Variants in MYH11 observed in about 807,000 individuals in gnomAD.
MYH11 encodes the protein myosin-11.
A neutral mutation model predicts 246.6 loss-of-function variants in MYH11; 80 were observed. That is an observed-to-expected ratio of 0.32 (90% CI 0.27 to 0.39). The LOEUF (loss-of-function observed/expected upper bound fraction) is 0.39, where lower values mean the gene tolerates loss of function less well. Ranked by LOEUF, MYH11 falls within the 10% of genes least tolerant of loss-of-function variation. The pLI is 1.00. For synonymous variants in MYH11, 1,071 were observed against 1,015.5 expected, an observed-to-expected ratio of 1.05 and a Z score of -1.04; for missense variants, 2,158 against 2,546.8, an observed-to-expected ratio of 0.85 and a Z score of 3.29.
chr16:15,753,705 G>A (rs1396168112), intron 14 of MYH11, among the ~76,000 whole-genome samples, 197 bp from the exon 15 acceptor site: 1 of 152,118 alleles, frequency 6.6e-6, no homozygotes, highest in Non-Finnish European at 1.5e-5. Flanking sequence ...CACGTAGTAG[G>A]ACATCAGCCA....
intron 40 of MYH11, among the ~76,000 whole-genome samples, chr16:15,706,728 G>A (rs2039478370): frequency 6.6e-6 from 1 of 151,918 alleles, no homozygotes; most frequent in African/African-American, 2.4e-5. Flanking sequence ...AAAAAAATCT[G>A]ATGAGCTGGG....
chr16:15,734,589 G>A (rs940316022), intron 26 of MYH11, among the ~76,000 whole-genome samples: 4 of 152,056 alleles, frequency 2.6e-5, no homozygotes, highest in Admixed American at 2.0e-4. Flanking sequence ...GCGTGAGCCC[G>A]ACCCTAAAGG....
At chr16:15,788,075 A>ATTTTTTTTTT (rs1555569323) in intron 4 of MYH11, among the ~76,000 whole-genome samples, 2 of 42,722 alleles carry the variant, frequency 4.7e-5, no homozygotes, top group African/African-American at 1.3e-4. Flanking sequence ...ATGAAGGTAG[A>ATTTTTTTTTT]TCTTTTTTTT....
chr16:15,776,893 G>C (rs867688394), intron 7 of MYH11, among the ~76,000 whole-genome samples: 14 of 152,298 alleles, frequency 9.2e-5, no homozygotes, highest in South Asian at 2.1e-4. Context: ...TGATGGGAGA[G>C]GGCAGCTGGG....
intron 10 of MYH11, among the ~76,000 whole-genome samples, chr16:15,762,643 A>G (rs2041894819): frequency 6.6e-6 from 1 of 152,106 alleles, no homozygotes; most frequent in African/African-American, 2.4e-5. Context: ...CCAACCAATC[A>G]GCACCCCCAA....
At chr16:15,757,723 G>T in intron 13 of MYH11, 104 bp downstream of exon 13, 5 of 1,416,406 alleles carry the variant, frequency 3.5e-6, no homozygotes, top group Non-Finnish European at 4.9e-6. Flanking sequence ...TTGGGTGGGG[G>T]AATGCTATGT....
chr16:15,833,424 T>TAACG (rs1415547420), intron 2 of MYH11, among the ~76,000 whole-genome samples: 63 of 150,576 alleles, frequency 4.2e-4, no homozygotes, highest in Non-Finnish European at 8.4e-4. Flanking sequence ...AGGAACGAAC[T>TAACG]AACTAACTCG....
At chr16:15,712,530 A>AG (rs2039862279) in intron 40 of MYH11, among the ~76,000 whole-genome samples, 2 of 152,020 alleles carry the variant, frequency 1.3e-5, no homozygotes, top group Admixed American at 6.6e-5. Context: ...TGGGAGGCAG[A>AG]GGTTGCAGTG....
chr16:15,779,588 C>T (rs188466395), intron 6 of MYH11, among the ~76,000 whole-genome samples: 31 of 152,334 alleles, frequency 2.0e-4, no homozygotes, highest in Non-Finnish European at 3.5e-4. Context: ...TCCCCAGACC[C>T]CACCCTGCTC....
intron 11 of MYH11, among the ~76,000 whole-genome samples, 165 bp downstream of exon 11, chr16:15,760,375 C>A (rs1434219962): frequency 6.6e-6 from 1 of 151,650 alleles, no homozygotes; most frequent in Non-Finnish European, 1.5e-5. Flanking sequence ...GATGGATGAA[C>A]AGACAGATGA....
chr16:15,753,417 A>G lies in MYH11; in HGVS notation c.1841T>C (p.Phe614Ser). The G allele has an allele frequency of 6.2e-7, 1 of 1,614,084 alleles. No individual in the cohort carries two copies. The highest frequency in any genetic ancestry group is 1.1e-5 in the South Asian group (1 of 91,074). Reference protein sequence around the residue: ...TSLLNASSDKFVADLWKDVDR... With the variant: ...TSLLNASSDKSVADLWKDVDR... ...ACCGTCCTTCCACAGGTCGGCCACA[A>G]ACTTGTCGGAGGAGGCATTGAGCAG... The change falls in exon 15 of 41, where the codon TTT becomes TCT. Residue 614 changes from phenylalanine (F) to serine (S), a missense_variant. Coordinates refer to ENST00000300036, the MANE Select transcript of MYH11 (RefSeq NM_002474.3).
Position 15,856,932 on chromosome 16 carries a change from A to C in MYH11, c.-18+9T>G, listed in dbSNP as rs1394321104. 2.0e-5 allele frequency: 3 copies of C among 152,140 alleles called. No individual in the cohort carries two copies. The highest frequency in any genetic ancestry group is 1.3e-4 in the Admixed American group (2 of 15,256). 9.4% of individuals were successfully genotyped at this position (152,140 alleles called of 1,614,324 possible). On this transcript the variant is annotated intron_variant, in intron 1 of 40. Transcript: ENST00000300036. ...GCAATCTGCCCCCAGAATGACAACT[A>C]CTACTTACAGATCTCCAACTGGGGG...
At chr16:15,840,894 T>C (rs1408471911) in intron 1 of MYH11, among the ~76,000 whole-genome samples, 2 of 152,228 alleles carry the variant, frequency 1.3e-5, no homozygotes, top group Non-Finnish European at 2.9e-5. Context: ...TTACTTTATA[T>C]AGATTATACC....
chr16:15,814,444 T>C (rs1596886775), intron 3 of MYH11, among the ~76,000 whole-genome samples: 1 of 149,154 alleles, frequency 6.7e-6, no homozygotes, highest in East Asian at 2.0e-4. Context: ...TCCCAGCTAC[T>C]TGGGAGGCTG....
chr16:15,788,079 T>TG (rs2042517261), intron 4 of MYH11, among the ~76,000 whole-genome samples: 1 of 118,094 alleles, frequency 8.5e-6, no homozygotes, highest in Admixed American at 8.7e-5. Flanking sequence ...AGGTAGATCT[T>TG]TTTTTTTTTT....
At chr16:15,763,544 T>C (rs2041913716) in intron 10 of MYH11, among the ~76,000 whole-genome samples, 1 of 152,054 alleles carries the variant, frequency 6.6e-6, no homozygotes, top group African/African-American at 2.4e-5. Flanking sequence ...TAAAATTTTG[T>C]ATTTAAAAAA....
intron 20 of MYH11, 25 bp downstream of exon 20, chr16:15,745,104 A>T: frequency 6.3e-7 from 1 of 1,585,876 alleles, no homozygotes; most frequent in Non-Finnish European, 8.7e-7. Flanking sequence ...GGCCCCTGGG[A>T]AGGGGGCTGG....
intron 11 of MYH11, among the ~76,000 whole-genome samples, 172 bp from the exon 12 acceptor site, chr16:15,759,900 C>T (rs2041827785): frequency 1.3e-5 from 2 of 152,140 alleles, no homozygotes; most frequent in Admixed American, 6.6e-5. Context: ...AGTTCAAGAC[C>T]AGCCTGACCA....
chr16:15,721,511 C>T lies in MYH11; in HGVS notation c.4489G>A (p.Glu1497Lys), dbSNP rs770997238. The T allele has an allele frequency of 6.2e-7, 1 of 1,614,242 alleles. No homozygotes were observed. ...GTCCGCTCGAGTTCCTCTTTGGCTTCCAAGGCCTCTTCAAGGGCCCGAGCC... is the reference window on the plus strand; with the variant it reads ...GTCCGCTCGAGTTCCTCTTTGGCTTTCAAGGCCTCTTCAAGGGCCCGAGCC... Reference protein sequence around the residue: ...SLARALEEALEAKEELERTNK... With the variant: ...SLARALEEALKAKEELERTNK... Residue 1497 changes from glutamate (E) to lysine (K), a missense_variant, in exon 32 of 41, where the codon GAA becomes AAA. Transcript: ENST00000300036.
Sources: allele counts gnomAD v4.1 joint callset (sites outside exome capture counted in the v4.1 genomes callset), GRCh38; gene constraint gnomAD v4.1.1; transcripts MANE v1.5; gene names NCBI Gene and HGNC (gene_info 2026-07-23, HGNC 2026-07-21).